DEUP1: variants seen among roughly 807,000 people sequenced by gnomAD.
DEUP1 encodes the protein coiled-coil domain containing 67.
A neutral mutation model predicts 87.4 loss-of-function variants in DEUP1; 82 were observed. The observed-to-expected ratio is 0.94, with a 90% CI of 0.78 to 1.13. DEUP1 has a LOEUF of 1.13. Ranked by LOEUF, DEUP1 falls within the 50% of genes most tolerant of loss-of-function variation. DEUP1 has a pLI of 0.00. For synonymous variants in DEUP1, 214 were observed against 222.7 expected, an observed-to-expected ratio of 0.96 and a Z score of 0.35; for missense variants, 663 against 681.5, an observed-to-expected ratio of 0.97 and a Z score of 0.30.
At chr11:93,387,550 T>G (rs1946618940) in intron 8 of DEUP1, among the ~76,000 whole-genome samples, 1 of 152,122 alleles carries the variant, frequency 6.6e-6, no homozygotes, top group Non-Finnish European at 1.5e-5. Flanking sequence ...CCCTTATACA[T>G]GTACATTAGC....
In DEUP1 at chr11:93,437,741, C is replaced by G; in HGVS notation, c.*22C>G. ...ATGAGCTTTTAAACTTTTTTATTTG[C>G]TTCCCCCCCCCACCCCCGCCAAGAA... On this transcript the variant is annotated 3_prime_UTR_variant, in exon 14 of 14. Coordinates refer to ENST00000298050, the MANE Select transcript of DEUP1 (RefSeq NM_181645.4). 2.6e-6 allele frequency: 3 copies of G among 1,144,794 alleles called. No individual in the cohort carries two copies. Among genetic ancestry groups the G allele is most frequent in the Non-Finnish European group, 3.7e-6 (3 of 815,448 alleles). The allele number at this position is 1,144,794 out of a possible 1,614,324, so 70.9% of individuals were successfully genotyped here. A position where few individuals can be genotyped will look rare whatever the true frequency, so the allele number is the denominator to read the frequency against.
In DEUP1 at chr11:93,371,206, C is replaced by G; in HGVS notation, c.715C>G (p.Leu239Val). 6.2e-7 allele frequency: 1 copy of G among 1,612,956 alleles called. No homozygotes were observed. Among genetic ancestry groups the G allele is most frequent in the Non-Finnish European group, 8.5e-7 (1 of 1,179,412 alleles). ...GAAATCAGCTGTAAATGAGATAGCA[C>G]TAAGCAGGAATAAATTACAAGATGA... ...KLKSAVNEIA[L>V]SRNKLQDENQ... The change falls in exon 7 of 14, where the codon CTA becomes GTA. Residue 239 changes from leucine to valine, a missense_variant. By Grantham distance (32) the Leu-to-Val change is conservative. Coordinates refer to ENST00000298050, the MANE Select transcript of DEUP1 (RefSeq NM_181645.4).
intron 2 of DEUP1, among the ~76,000 whole-genome samples, chr11:93,335,516 G>A (rs1406672776): frequency 6.6e-6 from 1 of 152,040 alleles, no homozygotes; most frequent in Non-Finnish European, 1.5e-5. Flanking sequence ...TATAATTGTA[G>A]TTTGTCTAGT....
At chr11:93,372,104 AT>A in intron 7 of DEUP1, among the ~76,000 whole-genome samples, 1 of 151,274 alleles carries the variant, frequency 6.6e-6, no homozygotes, top group Middle Eastern at 3.4e-3. Flanking sequence ...AATTTTTTGT[AT>A]TTTTAGTAGA....
chr11:93,434,038 A>C (rs1411570277), intron 13 of DEUP1, among the ~76,000 whole-genome samples: 2 of 152,164 alleles, frequency 1.3e-5, no homozygotes, highest in African/African-American at 4.8e-5. Flanking sequence ...AGCTGTTAGT[A>C]GCCAACACCC....
At chr11:93,430,532 G>A (rs1391194277) in intron 13 of DEUP1, among the ~76,000 whole-genome samples, 1 of 152,172 alleles carries the variant, frequency 6.6e-6, no homozygotes, top group Non-Finnish European at 1.5e-5. Context: ...AGCCAAATAG[G>A]TAAATGAAAT....
At chr11:93,430,888 G>C (rs1458192539) in intron 13 of DEUP1, among the ~76,000 whole-genome samples, 1 of 152,136 alleles carries the variant, frequency 6.6e-6, no homozygotes, top group Admixed American at 6.5e-5. Flanking sequence ...CTGAGGTCAG[G>C]AGTTCAAGAC....
chr11:93,371,099 G>A lies in DEUP1; in HGVS notation c.608G>A (p.Ser203Asn). Residue 203 changes from serine to asparagine, a missense_variant, in exon 7 of 14, where the codon AGC becomes AAC. Coordinates refer to ENST00000298050, the MANE Select transcript of DEUP1 (RefSeq NM_181645.4). Reference sequence around the variant, plus strand: ...AAAAAACAGTGCTTAGAAGACAGCAGCTCTGAAATTCCTCGTTTGATATGT... The same window carrying A: ...AAAAAACAGTGCTTAGAAGACAGCAACTCTGAAATTCCTCGTTTGATATGT... ...NGKKQCLEDS[S>N]SEIPRLICDP... The A allele has an allele frequency of 6.2e-7, 1 of 1,612,506 alleles. No individual in the cohort carries two copies. The highest frequency in any genetic ancestry group is 1.1e-5 in the South Asian group (1 of 90,892).
intron 5 of DEUP1, among the ~76,000 whole-genome samples, chr11:93,364,944 C>T (rs1361967194): frequency 6.6e-6 from 1 of 152,024 alleles, no homozygotes. Flanking sequence ...TATTTTTCTT[C>T]CCTGTGTTCT....
intron 7 of DEUP1, among the ~76,000 whole-genome samples, chr11:93,371,702 A>G (rs1945738379): frequency 6.6e-6 from 1 of 152,210 alleles, no homozygotes; most frequent in African/African-American, 2.4e-5. Context: ...GACTCCAGTG[A>G]TTTATCACTG....
intron 5 of DEUP1, among the ~76,000 whole-genome samples, chr11:93,367,677 G>A (rs1242402148): frequency 6.6e-6 from 1 of 152,040 alleles, no homozygotes; most frequent in African/African-American, 2.4e-5. Context: ...AGAACCTGGT[G>A]GACATTAACT....
At chr11:93,355,747 TAG>T (rs1944865113) in intron 3 of DEUP1, among the ~76,000 whole-genome samples, 1 of 152,204 alleles carries the variant, frequency 6.6e-6, no homozygotes, top group African/African-American at 2.4e-5. Flanking sequence ...TGTTTGCTGA[TAG>T]AGACAGATAC....
chr11:93,357,181 C>T, intron 4 of DEUP1, 138 bp downstream of exon 4: 1 of 596,562 alleles, frequency 1.7e-6, no homozygotes, highest in South Asian at 2.3e-5. Flanking sequence ...ATGTCTTTCC[C>T]TGTTTTATAT....
rs1371795239 is a variant in DEUP1 at position 93,438,225 on chromosome 11, A to G, written c.*506A>G. Reference sequence around the variant, plus strand: ...AAAATTCTATAATTTTTTGGAAAAAAAAAGCTATAGCTTTATTGTTTTTAC... The same window carrying G: ...AAAATTCTATAATTTTTTGGAAAAAGAAAGCTATAGCTTTATTGTTTTTAC... On this transcript the variant is annotated 3_prime_UTR_variant, in exon 14 of 14. Transcript: ENST00000298050. The G allele has an allele frequency of 6.6e-6, 1 of 152,382 alleles. No homozygotes were observed. The highest frequency in any genetic ancestry group is 2.4e-5 in the African/African-American group (1 of 41,462). The allele number at this position is 152,382 out of a possible 1,614,324, so 9.4% of individuals were successfully genotyped here.
chr11:93,431,095 CAAAA>C (rs10534401), intron 13 of DEUP1, among the ~76,000 whole-genome samples: 52,641 of 112,470 alleles, frequency 0.47, 10,396 homozygotes, highest in Admixed American at 0.6. Context: ...AACACTGTCT[CAAAA>C]AAAAAAAAAA....
rs773563713 is a variant in DEUP1, at chr11:93,437,653, A to G, written c.1749A>G (p.Glu583=). The G allele has an allele frequency of 6.8e-6, 11 of 1,609,296 alleles. 1 individual carries two copies. The South Asian group carries it at 8.8e-5, about 13-fold the overall frequency. ...AACTTCTAAATACACATATTGATGA[A>G]CTGCAAAGACACACAGAATTTACTC... The part of the protein sequence containing the change: ...LEKLLNTHID[E]LQRHTEFTLN... Residue 583 remains glutamate (E), a synonymous_variant, in exon 14 of 14, where the codon GAA becomes GAG. Coordinates refer to ENST00000298050, the MANE Select transcript of DEUP1 (RefSeq NM_181645.4).
At chr11:93,372,640 C>T (rs1438342652) in intron 7 of DEUP1, among the ~76,000 whole-genome samples, 1 of 152,212 alleles carries the variant, frequency 6.6e-6, no homozygotes, top group African/African-American at 2.4e-5. Flanking sequence ...TCAAGGCTCC[C>T]AGTCTCTCCC....
At chr11:93,379,740 C>G (rs979930435) in intron 7 of DEUP1, among the ~76,000 whole-genome samples, 1 of 144,950 alleles carries the variant, frequency 6.9e-6, no homozygotes, top group African/African-American at 2.5e-5. Flanking sequence ...CTACAGACTT[C>G]TAGGGGCTTA....
chr11:93,415,167 C>A, intron 13 of DEUP1, 53 bp downstream of exon 13: 1 of 1,043,332 alleles, frequency 9.6e-7, no homozygotes, highest in Non-Finnish European at 1.5e-6. Flanking sequence ...TTGCTTTACT[C>A]TTACACTGAT....
Sources: gnomAD v4.1 joint callset for allele counts (sites outside exome capture counted in the v4.1 genomes callset) on GRCh38, gnomAD v4.1.1 for gene constraint, MANE v1.5 for transcripts, NCBI Gene and HGNC (gene_info 2026-07-23, HGNC 2026-07-21) for gene names.